ERICH1: variants seen among roughly 807,000 people sequenced by gnomAD.
ERICH1 encodes glutamate rich 1.
ERICH1 carries 56 observed loss-of-function variants against 39.6 expected under a neutral mutation model. The ratio of observed to expected loss-of-function variants is 1.41; its 90% CI spans 1.14 to 1.77. ERICH1 has a LOEUF of 1.77. Among genes scored for constraint, ERICH1 ranks in the 40% most tolerant of loss-of-function variants. ERICH1 has a pLI of 0.00. For synonymous variants in ERICH1, 313 were observed against 223.6 expected (o/e 1.40, Z -3.57); for missense variants, 826 against 575.4 (o/e 1.44, Z -4.45).
intron 3 of ERICH1, among the ~76,000 whole-genome samples, chr8:688,292 G>GC (rs1563265231): frequency 1.1e-4 from 10 of 88,696 alleles, no homozygotes; most frequent in East Asian, 3.7e-4. Flanking sequence ...CCCCGCCCCG[G>GC]CCCTTCCGCC....
intron 2 of ERICH1, among the ~76,000 whole-genome samples, chr8:708,683 T>TTTTTGTTTTTTTTTTTTTTG (rs1563319375): frequency 1.9e-4 from 8 of 42,456 alleles, no homozygotes; most frequent in Non-Finnish European, 3.6e-4. Flanking sequence ...GATAATGAGT[T>TTTTTGTTTTTTTTTTTTTTG]TTTTTTTTTT....
intron 3 of ERICH1, among the ~76,000 whole-genome samples, chr8:618,779 T>C (rs1797097104): frequency 6.6e-6 from 1 of 152,126 alleles, no homozygotes; most frequent in African/African-American, 2.4e-5. Flanking sequence ...GTAATCTTAA[T>C]GCAAGAGTAC....
In ERICH1 at chr8:670,649, C is replaced by T. The variant is rs113159074; in HGVS notation, c.1064-1857G>A. On this transcript the variant is annotated intron_variant, in intron 4 of 5. Coordinates refer to ENST00000262109, the MANE Select transcript of ERICH1 (RefSeq NM_207332.3). Reference sequence around the variant, plus strand: ...ATGGCCAAGAGGCTCCTATGTTATTCGGAGGCTCTCTGTGTGGCTTCTCAT... The same window carrying T: ...ATGGCCAAGAGGCTCCTATGTTATTTGGAGGCTCTCTGTGTGGCTTCTCAT... 2.4e-3 allele frequency among the ~76,000 whole-genome samples: 366 copies of T among 152,310 alleles called. 1 individual carries two copies. The highest frequency in any genetic ancestry group is 7.4e-3 in the African/African-American group (307 of 41,560).
At chr8:669,072 C>G in intron 4 of ERICH1, 1 of 425,250 alleles carries the variant, frequency 2.4e-6, no homozygotes, top group Non-Finnish European at 4.2e-6. Context: ...CCTCCCCTGG[C>G]CCGTCTACAC....
chr8:690,502 C>G (rs1290448781), intron 3 of ERICH1, among the ~76,000 whole-genome samples: 2 of 152,242 alleles, frequency 1.3e-5, no homozygotes, highest in Non-Finnish European at 2.9e-5. Flanking sequence ...ACCGGCAGAC[C>G]CAAGGGCGCA....
chr8:716,462 G>T (rs1343054060), intron 1 of ERICH1, among the ~76,000 whole-genome samples: 2 of 152,252 alleles, frequency 1.3e-5, no homozygotes, highest in African/African-American at 4.8e-5. Flanking sequence ...CCTGAGGCAG[G>T]GCAGGCACCA....
rs367973115 is a variant in ERICH1, at chr8:673,742, C to A, written c.610G>T (p.Glu204Ter). The change falls in exon 4 of 6, where the codon GAG becomes TAG. Residue 204 changes from glutamate (E) to a stop codon, truncating the protein, a stop_gained. Coordinates refer to ENST00000262109, the MANE Select transcript of ERICH1 (RefSeq NM_207332.3). LOFTEE classifies it high-confidence loss of function. ...TCCACACCATCCTCCTCACAAGCCTCTCCCACGCCTTCCCCTTCATTGCTG... is the reference window on the plus strand; with the variant it reads ...TCCACACCATCCTCCTCACAAGCCTATCCCACGCCTTCCCCTTCATTGCTG... ...DSSNEGEGVG[E>*]ACEEDGVDTS... is the part of the protein sequence containing the mutation. The A allele has an allele frequency of 6.2e-7, 1 of 1,613,254 alleles. No individual in the cohort carries two copies. Among genetic ancestry groups the A allele is most frequent in the Non-Finnish European group, 8.5e-7 (1 of 1,180,012 alleles).
intron 3 of ERICH1, among the ~76,000 whole-genome samples, chr8:641,873 G>A (rs906890): frequency 0.17 from 25,914 of 152,184 alleles, 2,949 homozygotes; most frequent in East Asian, 0.32. Context: ...GCCTCTGGCC[G>A]TATGCAGTCC....
intron 3 of ERICH1, among the ~76,000 whole-genome samples, chr8:692,196 C>T (rs1290182403): frequency 6.6e-6 from 1 of 152,150 alleles, no homozygotes; most frequent in Non-Finnish European, 1.5e-5. Context: ...TATTTAGTTC[C>T]AGGGTACTCC....
rs139731216 is a variant in ERICH1, at chr8:708,681, GTTTTTTT to G, written c.169+7173_169+7179del. On this transcript the variant is annotated intron_variant, in intron 2 of 5. Coordinates refer to ENST00000262109, the MANE Select transcript of ERICH1 (RefSeq NM_207332.3). ...GGGCTGAGTGGTTACGGGATAATGA[GTTTTTTT>G]TTTTTTTTTTTTTTTTTTTTTTTGA... Among the ~76,000 whole-genome samples the G allele has an allele frequency of 5.3e-4, 35 of 65,776 alleles. 2 individuals carry two copies. Among genetic ancestry groups the G allele is most frequent in the Middle Eastern group, 9.6e-3 (1 of 104 alleles). 43.2% of individuals were successfully genotyped at this position (65,776 alleles called of 152,430 possible).
At chr8:705,285 C>T (rs551823132) in intron 2 of ERICH1, among the ~76,000 whole-genome samples, 19 of 152,380 alleles carry the variant, frequency 1.2e-4, no homozygotes, top group African/African-American at 4.6e-4. Flanking sequence ...TGATATCCAG[C>T]AGGACTCCTC....
intron 2 of ERICH1, among the ~76,000 whole-genome samples, chr8:713,520 G>C (rs1018862372): frequency 1.2e-4 from 19 of 152,132 alleles, no homozygotes; most frequent in Admixed American, 1.1e-3. Context: ...AGACGTGAAG[G>C]GAACTTTTTC....
intron 3 of ERICH1, among the ~76,000 whole-genome samples, chr8:630,194 A>C (rs1273688149): frequency 1.0e-5 from 1 of 98,888 alleles, no homozygotes; most frequent in Non-Finnish European, 2.0e-5. Flanking sequence ...CCCTCCCGTG[A>C]CCACCCAGAG....
At chr8:656,880 A>T (rs1163555671) in intron 3 of ERICH1, 1 of 970,580 alleles carries the variant, frequency 1.0e-6, no homozygotes, top group Non-Finnish European at 1.2e-6. Context: ...GCAGAAACTT[A>T]AACATTATGG....
chr8:661,358 G>A (rs1046035727), downstream of ERICH1, among the ~76,000 whole-genome samples: 3 of 152,120 alleles, frequency 2.0e-5, no homozygotes, highest in Admixed American at 2.0e-4. Flanking sequence ...AAACAAATTA[G>A]AGACCGGCTT....
intron 3 of ERICH1, among the ~76,000 whole-genome samples, chr8:633,357 T>C (rs1025296546): frequency 6.6e-6 from 1 of 152,206 alleles, no homozygotes; most frequent in Admixed American, 6.5e-5. Flanking sequence ...ACTTGTATGA[T>C]GCAGTATGTG....
At chr8:681,814 C>G (rs1436280383) in intron 3 of ERICH1, among the ~76,000 whole-genome samples, 1 of 152,188 alleles carries the variant, frequency 6.6e-6, no homozygotes, top group Admixed American at 6.5e-5. Flanking sequence ...GCTCCGGAAC[C>G]TCCTCTGAGG....
intron 1 of ERICH1, among the ~76,000 whole-genome samples, chr8:721,950 G>A (rs1032887537): frequency 6.6e-6 from 1 of 152,080 alleles, no homozygotes; most frequent in Non-Finnish European, 1.5e-5. Context: ...ACAATGTGTT[G>A]AAAACAAAAG....
chr8:637,157 C>T (rs545977641), intron 3 of ERICH1, among the ~76,000 whole-genome samples: 107 of 152,338 alleles, frequency 7.0e-4, no homozygotes, highest in African/African-American at 2.4e-3. Flanking sequence ...CTGGGCCCAT[C>T]GGGGCTGTAG....
Sources: allele counts gnomAD v4.1 joint callset (sites outside exome capture counted in the v4.1 genomes callset), GRCh38; gene constraint gnomAD v4.1.1; transcripts MANE v1.5; gene names NCBI Gene and HGNC (gene_info 2026-07-23, HGNC 2026-07-21).